Variants in CPPED1 observed in about 807,000 individuals in gnomAD.
The protein encoded by CPPED1 is calcineurin like phosphoesterase domain containing 1, also known as serine/threonine-protein phosphatase CPPED1.
In CPPED1, 28 loss-of-function variants were observed where a neutral mutation model predicts 28.0. That is an observed-to-expected ratio of 1.00 (90% CI 0.74 to 1.37). The LOEUF (loss-of-function observed/expected upper bound fraction) is 1.37. Ranked by LOEUF, CPPED1 falls within the 40% of genes most tolerant of loss-of-function variation. CPPED1 has a pLI of 0.00. For synonymous variants in CPPED1, 198 were observed against 180.2 expected (o/e 1.10, Z -0.79); for missense variants, 504 against 416.5 (o/e 1.21, Z -1.83).
rs139983438 is a variant in CPPED1, at chr16:12,748,247, T to C, written c.289+32938A>G. 3.9e-5 allele frequency among the ~76,000 whole-genome samples: 6 copies of C among 152,310 alleles called. 1 individual carries two copies. The highest frequency in any genetic ancestry group is 6.5e-5 in the Admixed American group (1 of 15,298). Reference sequence around the variant, plus strand: ...AGCACAATGGTTAACTAAATTGTGTTATACTCATATATGGTAATACTCTAC... The same window carrying C: ...AGCACAATGGTTAACTAAATTGTGTCATACTCATATATGGTAATACTCTAC... On this transcript the variant is annotated intron_variant, in intron 2 of 3. Coordinates refer to ENST00000381774, the MANE Select transcript of CPPED1 (RefSeq NM_018340.3).
At chr16:12,787,478 T>C (rs923025791) in intron 1 of CPPED1, among the ~76,000 whole-genome samples, 2 of 150,484 alleles carry the variant, frequency 1.3e-5, no homozygotes, top group Non-Finnish European at 2.9e-5. Flanking sequence ...TGGTCTCAGC[T>C]CACTGCAACC....
chr16:12,792,514 A>G (rs1182371029), intron 1 of CPPED1, among the ~76,000 whole-genome samples: 1 of 152,106 alleles, frequency 6.6e-6, no homozygotes, highest in Non-Finnish European at 1.5e-5. Flanking sequence ...AAGACATACC[A>G]CAGGAATCCC....
Position 12,723,806 on chromosome 16 carries a change from G to A in CPPED1, c.290-18757C>T, listed in dbSNP as rs11075146. The stretch of plus-strand genomic sequence containing the variant: ...TTGGAAAATTCTGCCAGCTGCCATG[G>A]GATAGGACGTGGGTTTGTAGCATGC... On this transcript the variant is annotated intron_variant, in intron 2 of 3. Transcript: ENST00000381774. 2.0e-5 allele frequency among the ~76,000 whole-genome samples: 3 copies of A among 151,936 alleles called. No homozygotes were observed. The East Asian group carries it at 5.8e-4, about 30-fold the overall frequency.
intron 2 of CPPED1, among the ~76,000 whole-genome samples, chr16:12,779,794 G>C (rs1321411323): frequency 1.3e-5 from 2 of 152,106 alleles, no homozygotes; most frequent in African/African-American, 4.8e-5. Flanking sequence ...GCTTCTAAAG[G>C]AGTTAGACAT....
Position 12,803,732 on chromosome 16 carries a change from G to T in CPPED1, c.45C>A (p.Gly15=). The change falls in exon 1 of 4, where the codon GGC becomes GGA. Residue 15 remains glycine (G), a synonymous_variant. Transcript: ENST00000381774. ...CTGCGGGAAACGCGGCCAGGGTCCT[G>T]CCCCTGGCTCTGTGGAAAACACCCC... ...EAGGVFHRAR[G]RTLAAFPAEK... 1 of 1,593,642 alleles carries T rather than the reference G, an allele frequency of 6.3e-7. No individual in the cohort carries two copies. The highest frequency in any genetic ancestry group is 8.5e-7 in the Non-Finnish European group (1 of 1,171,586).
intron 2 of CPPED1, chr16:12,753,447 A>G (rs2080343835): frequency 6.6e-6 from 1 of 152,292 alleles, no homozygotes; most frequent in African/African-American, 2.4e-5. Context: ...GAACAAACAA[A>G]AGCAGCAGCA....
intron 2 of CPPED1, among the ~76,000 whole-genome samples, chr16:12,719,378 G>A (rs1222738407): frequency 1.3e-5 from 2 of 149,194 alleles, no homozygotes; most frequent in African/African-American, 5.0e-5. Context: ...GCGAAAGAGC[G>A]AGACTGCGTC....
chr16:12,693,889 T>G (rs2079976267), intron 3 of CPPED1, among the ~76,000 whole-genome samples: 1 of 152,196 alleles, frequency 6.6e-6, no homozygotes, highest in Admixed American at 6.5e-5. Context: ...TGAAATGTTG[T>G]GATGAAATTA....
At chr16:12,782,884 A>T (rs2080540970) in intron 1 of CPPED1, among the ~76,000 whole-genome samples, 1 of 151,986 alleles carries the variant, frequency 6.6e-6, no homozygotes, top group African/African-American at 2.4e-5. Flanking sequence ...AATAATAATA[A>T]TAATTTAATG....
chr16:12,747,468 T>C (rs1278554193), intron 2 of CPPED1, among the ~76,000 whole-genome samples: 3 of 150,290 alleles, frequency 2.0e-5, no homozygotes, highest in Admixed American at 6.6e-5. Context: ...AATAAATAAA[T>C]AATCACATTC....
Position 12,704,724 on chromosome 16 carries a change from G to C in CPPED1, c.615C>G (p.His205Gln), listed in dbSNP as rs1280674686. Residue 205 changes from histidine (H) to glutamine (Q), a missense_variant, in exon 3 of 4, where the codon CAC (histidine) becomes CAG (glutamine). Physicochemically the swap from His to Gln is conservative, Grantham distance 24. Coordinates refer to ENST00000381774, the MANE Select transcript of CPPED1 (RefSeq NM_018340.3). ...CGATGCTCTCCAGGAACAGCGGGAT[G>C]TGCTGGAAGACGATGGCATGCTGGC... ...RHCQHAIVFQHIPLFLESIDE... is the reference protein window; with the variant it reads ...RHCQHAIVFQQIPLFLESIDE... The C allele has an allele frequency of 3.7e-6, 6 of 1,614,122 alleles. No individual in the cohort carries two copies. In the Admixed American group the frequency reaches 8.3e-5, roughly 22 times the overall value.
At chr16:12,778,209 C>T (rs1347816166) in intron 2 of CPPED1, among the ~76,000 whole-genome samples, 6 of 150,828 alleles carry the variant, frequency 4.0e-5, no homozygotes, top group Admixed American at 4.0e-4. Flanking sequence ...CATGCCTGGC[C>T]TTTCTCCATT....
intron 2 of CPPED1, among the ~76,000 whole-genome samples, chr16:12,773,132 A>C (rs904566842): frequency 6.6e-6 from 1 of 152,216 alleles, no homozygotes; most frequent in Non-Finnish European, 1.5e-5. Flanking sequence ...AAACGAAAGA[A>C]GCCATTGTAG....
At chr16:12,724,327 C>T (rs533000075) in intron 2 of CPPED1, among the ~76,000 whole-genome samples, 1 of 152,304 alleles carries the variant, frequency 6.6e-6, no homozygotes, top group South Asian at 2.1e-4. Flanking sequence ...ACACTTTACC[C>T]ATCCCTCTTG....
intron 2 of CPPED1, among the ~76,000 whole-genome samples, chr16:12,763,520 T>C (rs905002786): frequency 6.6e-6 from 1 of 152,218 alleles, no homozygotes; most frequent in African/African-American, 2.4e-5. Context: ...ATCGTAGTTA[T>C]TGGGCTGTAT....
chr16:12,759,751 C>G (rs968653135), intron 2 of CPPED1, among the ~76,000 whole-genome samples: 4 of 152,226 alleles, frequency 2.6e-5, no homozygotes, highest in African/African-American at 9.6e-5. Flanking sequence ...CTTGTGCTCT[C>G]TCTCCTGACG....
At chr16:12,686,418 A>G (rs58902715) in intron 3 of CPPED1, among the ~76,000 whole-genome samples, 2,269 of 152,238 alleles carry the variant, frequency 0.015, 49 homozygotes, top group African/African-American at 0.051. Context: ...AAACTCCTAC[A>G]AAATAACAGA....
At chr16:12,768,808 C>A (rs2080453562) in intron 2 of CPPED1, among the ~76,000 whole-genome samples, 1 of 152,080 alleles carries the variant, frequency 6.6e-6, no homozygotes, top group Non-Finnish European at 1.5e-5. Flanking sequence ...CCCATCACAT[C>A]ACACTTGTTG....
At chr16:12,795,156 G>A (rs145136516) in intron 1 of CPPED1, among the ~76,000 whole-genome samples, 524 of 152,300 alleles carry the variant, frequency 3.4e-3, no homozygotes, top group Non-Finnish European at 6.3e-3. Flanking sequence ...GGTAGAAGGC[G>A]CCTTCTCTGG....
Sources: gnomAD v4.1 joint callset for allele counts (sites outside exome capture counted in the v4.1 genomes callset) on GRCh38, gnomAD v4.1.1 for gene constraint, MANE v1.5 for transcripts, NCBI Gene and HGNC (gene_info 2026-07-23, HGNC 2026-07-21) for gene names.